The following DIXDC1 variants were observed in gnomAD, a reference collection of about 807,000 sequenced individuals.
The protein encoded by DIXDC1 is DIX domain containing 1, also known as dixin.
In DIXDC1, 64 loss-of-function variants were observed where a neutral mutation model predicts 103.1. The ratio of observed to expected loss-of-function variants is 0.62; its 90% CI spans 0.51 to 0.76. The LOEUF (loss-of-function observed/expected upper bound fraction) is 0.76. Among genes scored for constraint, DIXDC1 ranks in the 30% least tolerant of loss-of-function variants. The pLI is 0.00. For synonymous variants in DIXDC1, 266 were observed against 298.5 expected (o/e 0.89, Z 1.12); for missense variants, 759 against 834.2 (o/e 0.91, Z 1.11).
chr11:111,978,647 T>C (rs1555172941), intron 5 of DIXDC1, among the ~76,000 whole-genome samples: 1 of 152,210 alleles, frequency 6.6e-6, no homozygotes, highest in Admixed American at 6.5e-5. Context: ...TCTGTGCTTT[T>C]AGGAAAGCAG....
chr11:111,959,936 G>A (rs1859515522), intron 1 of DIXDC1, among the ~76,000 whole-genome samples: 1 of 152,094 alleles, frequency 6.6e-6, no homozygotes, highest in Non-Finnish European at 1.5e-5. Context: ...TTGAGATGGA[G>A]TCTCATTCTG....
chr11:112,007,324 C>T (rs1432217015), intron 17 of DIXDC1, among the ~76,000 whole-genome samples: 1 of 152,150 alleles, frequency 6.6e-6, no homozygotes, highest in Non-Finnish European at 1.5e-5. Flanking sequence ...ACCAAATCTA[C>T]GTTTGATTGG....
At chr11:111,970,531 G>A (rs1302650883) in intron 3 of DIXDC1, among the ~76,000 whole-genome samples, 1 of 152,030 alleles carries the variant, frequency 6.6e-6, no homozygotes, top group Non-Finnish European at 1.5e-5. Context: ...GTGTGGTGGT[G>A]CATGCCTGTA....
chr11:111,991,274 A>C (rs587713099), intron 10 of DIXDC1, among the ~76,000 whole-genome samples: 1 of 152,358 alleles, frequency 6.6e-6, no homozygotes, highest in Non-Finnish European at 1.5e-5. Flanking sequence ...CATGTAAAGG[A>C]TCTGAAAAGG....
intron 2 of DIXDC1, among the ~76,000 whole-genome samples, chr11:111,966,186 C>A (rs587730389): frequency 2.0e-3 from 294 of 149,654 alleles, no homozygotes; most frequent in African/African-American, 6.9e-3. Flanking sequence ...TTTTCCCATT[C>A]CCTCCCCTGC....
intron 1 of DIXDC1, among the ~76,000 whole-genome samples, chr11:111,943,316 G>A (rs1555169043): frequency 6.6e-6 from 1 of 151,368 alleles, no homozygotes; most frequent in Non-Finnish European, 1.5e-5. Context: ...GCTAATTTTT[G>A]TAGTTTTAGT....
chr11:111,986,986 C>G (rs375764025), intron 9 of DIXDC1, 62 bp downstream of exon 9: 7 of 1,420,268 alleles, frequency 4.9e-6, no homozygotes, highest in Non-Finnish European at 6.7e-6. Flanking sequence ...CACGGTGGCT[C>G]GCGCCTGTAA....
chr11:112,008,968 G>A (rs1400509573), intron 17 of DIXDC1, among the ~76,000 whole-genome samples: 1 of 152,118 alleles, frequency 6.6e-6, no homozygotes, highest in Non-Finnish European at 1.5e-5. Flanking sequence ...GAGCAGAACT[G>A]AAGGAGATAG....
intron 1 of DIXDC1, among the ~76,000 whole-genome samples, chr11:111,928,855 C>T (rs1458911748): frequency 2.0e-5 from 3 of 152,070 alleles, no homozygotes; most frequent in Non-Finnish European, 4.4e-5. Context: ...GATGATAGTA[C>T]TTCGTAAGCT....
At position 112,006,210 on chromosome 11, in the gene DIXDC1, C is replaced by T. The variant is rs587626580; in HGVS notation, c.1756+10064C>T. 2.0e-4 allele frequency among the ~76,000 whole-genome samples: 30 copies of T among 152,330 alleles called. No individual in the cohort carries two copies. In the South Asian group the frequency reaches 3.3e-3, roughly 17 times the overall value. ...AGTGCAGCAGTCAGAGATTGAACTG[C>T]GAGGCAACAGCCTGGCAGGGGGAGG... is the stretch of plus-strand genomic sequence containing the variant. On this transcript the variant is annotated intron_variant, in intron 17 of 19. Coordinates refer to ENST00000440460, the MANE Select transcript of DIXDC1 (RefSeq NM_001037954.4).
chr11:111,982,241 G>T (rs1555173295), intron 6 of DIXDC1, 98 bp from the exon 7 acceptor site: 2 of 1,325,764 alleles, frequency 1.5e-6, no homozygotes, highest in East Asian at 2.4e-5. Flanking sequence ...GGTTCAGAAC[G>T]CAGGTGACCT....
intron 17 of DIXDC1, among the ~76,000 whole-genome samples, chr11:112,000,253 CAGAAT>C (rs1286985565): frequency 3.9e-5 from 6 of 152,120 alleles, no homozygotes; most frequent in Non-Finnish European, 8.8e-5. Flanking sequence ...AGACAACCTA[CAGAAT>C]AGGAGAAAAT....
chr11:112,022,373 C>G lies in DIXDC1; in HGVS notation c.*3337C>G, dbSNP rs1288990254. The G allele has an allele frequency of 5.9e-5, 9 of 152,298 alleles. No homozygotes were observed. Among genetic ancestry groups the G allele is most frequent in the Non-Finnish European group, 1.0e-4 (7 of 68,016 alleles). 9.4% of individuals were successfully genotyped at this position (152,298 alleles called of 1,614,324 possible). On this transcript the variant is annotated 3_prime_UTR_variant, in exon 20 of 20. Transcript: ENST00000440460. The surrounding 1 kb of genome is among the most constrained non-coding windows in gnomAD (Gnocchi z 4.9). ...ACATATATATGTAAAGTTATATTTTCTTAGAAACATGGATGTTTACAGCCA... is the reference window on the plus strand; with the variant it reads ...ACATATATATGTAAAGTTATATTTTGTTAGAAACATGGATGTTTACAGCCA...
At chr11:111,945,490 G>C (rs1264055170) in intron 1 of DIXDC1, 3 of 152,170 alleles carry the variant, frequency 2.0e-5, no homozygotes, top group African/African-American at 7.2e-5. Context: ...ATCATTGTGG[G>C]CTGGGCAGCT....
At position 111,977,172 on chromosome 11, in the gene DIXDC1, C is replaced by CCCCCCCCCCCCCG; in HGVS notation, c.656+2189_656+2190insCCCCCCCCCCCCG. 2.5e-6 allele frequency: 2 copies of CCCCCCCCCCCCCG among 793,160 alleles called. No individual in the cohort carries two copies. Among genetic ancestry groups the CCCCCCCCCCCCCG allele is most frequent in the Non-Finnish European group, 3.1e-6 (2 of 654,218 alleles). 49.1% of individuals were successfully genotyped at this position (793,160 alleles called of 1,614,324 possible). A position where few individuals can be genotyped will look rare whatever the true frequency, so the allele number is the denominator to read the frequency against. ...TCCCCACCCCCACCTCCACCCCGCC[C>CCCCCCCCCCCCCG]AGCCCCGCCCCTGGCCCGCACCCTC... is the stretch of plus-strand genomic sequence containing the variant. On this transcript the variant is annotated intron_variant, in intron 5 of 19. Transcript: ENST00000440460. The surrounding 1 kb of genome is among the most constrained non-coding windows in gnomAD (Gnocchi z 6.1).
chr11:111,993,406 C>A, intron 12 of DIXDC1, 90 bp from the exon 13 acceptor site: 1 of 1,423,788 alleles, frequency 7.0e-7, no homozygotes, highest in Non-Finnish European at 9.9e-7. Context: ...TGAGGCTCTA[C>A]TTTACTTGAG....
At chr11:111,999,898 G>A (rs994932111) in intron 17 of DIXDC1, among the ~76,000 whole-genome samples, 42 of 152,232 alleles carry the variant, frequency 2.8e-4, no homozygotes, top group African/African-American at 9.4e-4. Flanking sequence ...CACTTTGGGA[G>A]GCTGAAGCAG....
intron 2 of DIXDC1, among the ~76,000 whole-genome samples, chr11:111,931,245 G>A (rs1309482384): frequency 6.6e-6 from 1 of 152,152 alleles, no homozygotes; most frequent in African/African-American, 2.4e-5. Flanking sequence ...TGAATGAGGT[G>A]GGAGGATTGC....
rs1861639984 is a variant in DIXDC1 at position 112,017,799 on chromosome 11, G to A, written c.1885G>A (p.Asp629Asn). 2 of 1,610,882 alleles carry A rather than the reference G, an allele frequency of 1.2e-6. No homozygotes were observed. Among genetic ancestry groups the A allele is most frequent in the Non-Finnish European group, 1.7e-6 (2 of 1,178,378 alleles). ...CAGGTTGGAGGAGGTGACGTTAAAG[G>A]ATTTTAAAGCAGCTATTGATCGGGA... ...PKRLEEVTLKDFKAAIDREGN... is the reference protein window; with the variant it reads ...PKRLEEVTLKNFKAAIDREGN... The change falls in exon 19 of 20, where the codon GAT (aspartate) becomes AAT (asparagine). Residue 629 changes from aspartate to asparagine, a missense_variant. This residue lies in a region of DIXDC1 where 657 missense variants were observed against 727.5 expected (regional missense o/e 0.90). Transcript: ENST00000440460. The surrounding 1 kb of genome is among the most constrained non-coding windows in gnomAD (Gnocchi z 4.0).
Sources: allele counts gnomAD v4.1 joint callset (sites outside exome capture counted in the v4.1 genomes callset), GRCh38; gene constraint gnomAD v4.1.1; regional missense constraint gnomAD v4.1.1; non-coding constraint Gnocchi (gnomAD v3.1); transcripts MANE v1.5; gene names NCBI Gene and HGNC (gene_info 2026-07-23, HGNC 2026-07-21).